Variants in BOD1L1 observed in about 807,000 individuals in gnomAD.
BOD1L1 encodes biorientation of chromosomes in cell division 1 like 1.
Under a neutral mutation model 240.7 loss-of-function variants are expected in BOD1L1, and 86 were observed. The observed-to-expected ratio is 0.36, with a 90% confidence interval of 0.30 to 0.43. The LOEUF (loss-of-function observed/expected upper bound fraction) is 0.43, where lower values mean the gene tolerates loss of function less well. BOD1L1 is among the 20% of genes least tolerant of loss of function. The pLI, the probability that BOD1L1 is intolerant of heterozygous loss-of-function variation, is 1.00. For synonymous variants in BOD1L1, 1,268 were observed against 1,272.3 expected (o/e 1.00, Z 0.07); for missense variants, 3,554 against 3,643.5 (o/e 0.98, Z 0.63).
rs151281677 is a variant in BOD1L1, at chr4:13,615,263, A to C, written c.559+49T>G. The C allele has an allele frequency of 7.6e-5, 112 of 1,468,932 alleles. 1 individual carries two copies. Among genetic ancestry groups the C allele is most frequent in the Admixed American group, 3.3e-4 (14 of 42,014 alleles). The allele number at this position is 1,468,932 out of a possible 1,614,324, so 91.0% of individuals were successfully genotyped here. A position where few individuals can be genotyped will look rare whatever the true frequency, so the allele number is the denominator to read the frequency against. On this transcript the variant is annotated intron_variant, in intron 3 of 25. Coordinates refer to ENST00000040738, the MANE Select transcript of BOD1L1 (RefSeq NM_148894.3). Reference sequence around the variant, plus strand: ...GCCAAGTATCCCTAACTTGATATTCAGTTCAAGAAGAAAAACAATGGAACT... The same window carrying C: ...GCCAAGTATCCCTAACTTGATATTCCGTTCAAGAAGAAAAACAATGGAACT...
chr4:13,594,846 G>T (rs1714498539), intron 12 of BOD1L1, among the ~76,000 whole-genome samples: 1 of 152,194 alleles, frequency 6.6e-6, no homozygotes, highest in East Asian at 1.9e-4. Context: ...AGTGAGCCGA[G>T]ATCACGCCAC....
chr4:13,584,309 G>T (rs899051210), intron 17 of BOD1L1, among the ~76,000 whole-genome samples: 1 of 152,098 alleles, frequency 6.6e-6, no homozygotes, highest in Non-Finnish European at 1.5e-5. Context: ...CACTCATGCT[G>T]CACTGCCATT....
chr4:13,586,382 T>C lies in BOD1L1; in HGVS notation c.8433+14A>G. On this transcript the variant is annotated intron_variant, in intron 17 of 25. Transcript: ENST00000040738. ...CCCCACCCAAAACTTAAAACTAATA[T>C]GTGGAAAAAATACCTTTGTGTCATG... is the stretch of plus-strand genomic sequence containing the variant. 6.3e-7 allele frequency: 1 copy of C among 1,591,744 alleles called. No homozygotes were observed. Among genetic ancestry groups the C allele is most frequent in the Non-Finnish European group, 8.6e-7 (1 of 1,162,260 alleles).
At chr4:13,571,080 G>A (rs574356384) in intron 25 of BOD1L1, among the ~76,000 whole-genome samples, 2 of 152,344 alleles carry the variant, frequency 1.3e-5, no homozygotes, top group South Asian at 4.1e-4. Context: ...CAGCAGGAAT[G>A]TGAGCACCAG....
At chr4:13,605,198 C>G (rs768213753) in intron 9 of BOD1L1, 114 bp from the exon 10 acceptor site, 1 of 881,628 alleles carries the variant, frequency 1.1e-6, no homozygotes, top group Non-Finnish European at 1.6e-6. Flanking sequence ...TAACATCTCA[C>G]TTAATTCTTA....
intron 25 of BOD1L1, 95 bp downstream of exon 25, chr4:13,576,743 T>C: frequency 2.1e-6 from 3 of 1,428,022 alleles, no homozygotes; most frequent in Non-Finnish European, 2.8e-6. Context: ...GCAGCATGAA[T>C]GATTCAGTTC....
In BOD1L1 at chr4:13,569,925, G is replaced by A. The variant is rs1712053588; in HGVS notation, c.*86C>T. 1 of 1,008,886 alleles carries A rather than the reference G, an allele frequency of 9.9e-7. No individual in the cohort carries two copies. The highest frequency in any genetic ancestry group is 1.7e-5 in the African/African-American group (1 of 58,852). 62.5% of individuals were successfully genotyped at this position (1,008,886 alleles called of 1,614,324 possible). ...ACAGCACATGCATATCTTTTTCCTG[G>A]TTAAAGAGAAGCCTATGGCCACCAA... On this transcript the variant is annotated 3_prime_UTR_variant, in exon 26 of 26. Coordinates refer to ENST00000040738, the MANE Select transcript of BOD1L1 (RefSeq NM_148894.3).
intron 1 of BOD1L1, chr4:13,624,994 G>T (rs1453719950): frequency 6.6e-6 from 1 of 152,218 alleles, no homozygotes; most frequent in Non-Finnish European, 1.5e-5. Flanking sequence ...CCAGGCATGA[G>T]CCACCGGGCC....
In BOD1L1 at chr4:13,601,292, C is replaced by T. The variant is rs1226896220; in HGVS notation, c.5608G>A (p.Val1870Ile). ...AKEEDEEGED[V>I]VTSTGRGNEI... ...TTTCCTCTTCCAGTACTAGTCACAA[C>T]ATCCTCCCCTTCCTCGTCTTCCTCT... Residue 1870 changes from valine to isoleucine, a missense_variant, in exon 10 of 26, where the codon GTT (valine) becomes ATT (isoleucine). Around this residue, in one of 2 missense-constraint regions of BOD1L1, gnomAD observed 3,393 missense variants for 3,427.1 expected, o/e 0.99. Transcript: ENST00000040738. The T allele has an allele frequency of 6.2e-7, 1 of 1,613,992 alleles. No individual in the cohort carries two copies. Among genetic ancestry groups the T allele is most frequent in the African/African-American group, 1.3e-5 (1 of 75,024 alleles).
At chr4:13,619,489 A>G (rs966462391) in intron 2 of BOD1L1, among the ~76,000 whole-genome samples, 9 of 152,034 alleles carry the variant, frequency 5.9e-5, no homozygotes, top group Non-Finnish European at 1.2e-4. Context: ...TCATAGTAAA[A>G]TGCAAAAGAC....
In BOD1L1 at chr4:13,604,355, T is replaced by G. The variant is rs766305456; in HGVS notation, c.2545A>C (p.Lys849Gln). ...GAACCCAGAGAATCTTTCTGAATTT[T>G]AGAATCACTTGACCTTCTTGATTTG... is the stretch of plus-strand genomic sequence containing the variant. ...EHKSRRSSDS[K>Q]IQKDSLGSKQ... The change falls in exon 10 of 26, where the codon AAA becomes CAA. Residue 849 changes from lysine to glutamine, a missense_variant. By Grantham distance (53) the Lys-to-Gln change is moderately conservative. Transcript: ENST00000040738. 1.3e-6 allele frequency: 2 copies of G among 1,581,344 alleles called. No homozygotes were observed. Among genetic ancestry groups the G allele is most frequent in the Admixed American group, 3.9e-5 (2 of 51,062 alleles).
rs1301606839 is a variant in BOD1L1 at position 13,569,619 on chromosome 4, TAG to T, written c.*390_*391del. The T allele has an allele frequency of 6.5e-6, 1 of 154,068 alleles. No homozygotes were observed. The highest frequency in any genetic ancestry group is 2.4e-5 in the African/African-American group (1 of 41,540). 9.5% of individuals were successfully genotyped at this position (154,068 alleles called of 1,614,324 possible). A position where few individuals can be genotyped will look rare whatever the true frequency, so the allele number is the denominator to read the frequency against. On this transcript the variant is annotated 3_prime_UTR_variant, in exon 26 of 26. Coordinates refer to ENST00000040738, the MANE Select transcript of BOD1L1 (RefSeq NM_148894.3). Reference sequence around the variant, plus strand: ...AGTGTTCATTGATTAGCATCATACATAGAGTAAAATACAACCTATTTTTACAT... The same window carrying T: ...AGTGTTCATTGATTAGCATCATACATAGTAAAATACAACCTATTTTTACAT...
intron 9 of BOD1L1, 141 bp from the exon 10 acceptor site, chr4:13,605,225 G>C: frequency 1.5e-6 from 1 of 673,688 alleles, no homozygotes; most frequent in Non-Finnish European, 2.1e-6. Flanking sequence ...GCCTGTGTAG[G>C]TGTCAAAAAC....
Position 13,604,762 on chromosome 4 carries a change from A to C in BOD1L1, c.2138T>G (p.Leu713Trp). 6.2e-7 allele frequency: 1 copy of C among 1,613,218 alleles called. No individual in the cohort carries two copies. The highest frequency in any genetic ancestry group is 8.5e-7 in the Non-Finnish European group (1 of 1,179,678). ...LKKDDSETPHLKSLLKKEVKS... is the reference protein window; with the variant it reads ...LKKDDSETPHWKSLLKKEVKS... ...CACCTCTTTCTTAAGTAGGCTTTTC[A>C]AATGTGGTGTTTCAGAATCATCTTT... Residue 713 changes from leucine to tryptophan, a missense_variant, in exon 10 of 26, where the codon TTG becomes TGG. Coordinates refer to ENST00000040738, the MANE Select transcript of BOD1L1 (RefSeq NM_148894.3).
chr4:13,578,706 C>T (rs1012699551), intron 22 of BOD1L1, among the ~76,000 whole-genome samples: 1 of 152,130 alleles, frequency 6.6e-6, no homozygotes, highest in African/African-American at 2.4e-5. Flanking sequence ...AGCCACCACA[C>T]CTGGCTAATA....
intron 8 of BOD1L1, 25 bp downstream of exon 8, chr4:13,608,505 A>G (rs767565540): frequency 1.7e-5 from 25 of 1,493,504 alleles, no homozygotes; most frequent in Non-Finnish European, 2.0e-5. Flanking sequence ...GTTATAAGGG[A>G]AACATGACCA....
Position 13,600,132 on chromosome 4 carries a change from G to A in BOD1L1, c.6768C>T (p.Ile2256=). Residue 2256 remains isoleucine (I), a synonymous_variant, in exon 10 of 26, where the codon ATC becomes ATT. Transcript: ENST00000040738. ...CACAGTCTTCCACCGAGCTCGTAGA[G>A]ATGATGCCACTCCCGTCTTTTTCTT... is the stretch of plus-strand genomic sequence containing the variant. ...VMEEKDGSGI[I]STSSVEDCEG... 1.9e-6 allele frequency: 3 copies of A among 1,614,008 alleles called. No homozygotes were observed. Among genetic ancestry groups the A allele is most frequent in the Non-Finnish European group, 2.5e-6 (3 of 1,179,900 alleles).
At chr4:13,605,168 G>A in intron 9 of BOD1L1, 84 bp from the exon 10 acceptor site, 1 of 1,181,990 alleles carries the variant, frequency 8.5e-7, no homozygotes, top group Non-Finnish European at 1.1e-6. Flanking sequence ...GATTTAATAT[G>A]TTGAGTGCTG....
Position 13,600,275 on chromosome 4 carries a change from T to C in BOD1L1, c.6625A>G (p.Ser2209Gly), listed in dbSNP as rs762595245. 251 of 1,613,942 alleles carry C rather than the reference T, an allele frequency of 1.6e-4. No individual in the cohort carries two copies. Among genetic ancestry groups the C allele is most frequent in the Non-Finnish European group, 2.1e-4 (245 of 1,179,896 alleles). ...PEAESPLAST[S>G]KEEKDECALI... ...GCACATTCATCCTTCTCCTCCTTGCTGGTTGAGGCAAGAGGACTTTCAGCT... is the reference window on the plus strand; with the variant it reads ...GCACATTCATCCTTCTCCTCCTTGCCGGTTGAGGCAAGAGGACTTTCAGCT... The change falls in exon 10 of 26, where the codon AGC (serine) becomes GGC (glycine). Residue 2209 changes from serine to glycine, a missense_variant. Around this residue, in one of 2 missense-constraint regions of BOD1L1, gnomAD observed 3,393 missense variants for 3,427.1 expected, o/e 0.99. Transcript: ENST00000040738.
Sources: allele counts gnomAD v4.1 joint callset (sites outside exome capture counted in the v4.1 genomes callset), GRCh38; gene constraint gnomAD v4.1.1; regional missense constraint gnomAD v4.1.1; transcripts MANE v1.5; gene names NCBI Gene and HGNC (gene_info 2026-07-23, HGNC 2026-07-21).